ALG14: variants seen among roughly 807,000 people sequenced by gnomAD.
ALG14 encodes ALG14 UDP-N-acetylglucosaminyltransferase subunit, also known as UDP-N-acetylglucosamine transferase subunit ALG14.
In ALG14, 17 loss-of-function variants were observed where a neutral mutation model predicts 22.8. The observed-to-expected ratio is 0.75, with a 90% CI of 0.51 to 1.12. The LOEUF is 1.12. Ranked by LOEUF, ALG14 falls within the 50% of genes most tolerant of loss-of-function variation. The pLI is 0.00. For missense variants in ALG14, 288 were observed against 271.8 expected (o/e 1.06, Z -0.42); for synonymous variants, 89 against 103.7 (o/e 0.86, Z 0.86).
At chr1:95,019,081 T>A (rs1201948640) in intron 3 of ALG14, among the ~76,000 whole-genome samples, 1 of 152,220 alleles carries the variant, frequency 6.6e-6, no homozygotes, top group Non-Finnish European at 1.5e-5. Context: ...TGTCAAAGAT[T>A]TGTATAAGTG....
At chr1:95,005,679 A>G (rs1468507213) in intron 3 of ALG14, among the ~76,000 whole-genome samples, 1 of 152,206 alleles carries the variant, frequency 6.6e-6, no homozygotes, top group African/African-American at 2.4e-5. Context: ...GAAAATTAAA[A>G]GAGGAACAAA....
rs758803871 is a variant in ALG14 at position 94,975,726 on chromosome 1, C to G, written c.*7350G>C. ...GTTTAAAAAGAGCCTCCTGGCCGGG[C>G]GCAGTGGCTCACGCCTGTAATCCCA... On this transcript the variant is annotated 3_prime_UTR_variant, in exon 4 of 4. Transcript: ENST00000370205. The G allele has an allele frequency of 6.6e-6, 1 of 152,302 alleles. No individual in the cohort carries two copies. Among genetic ancestry groups the G allele is most frequent in the Non-Finnish European group, 1.5e-5 (1 of 68,232 alleles). The allele number at this position is 152,302 out of a possible 1,614,324, so 9.4% of individuals were successfully genotyped here. A position where few individuals can be genotyped will look rare whatever the true frequency, so the allele number is the denominator to read the frequency against.
At chr1:94,991,253 T>C (rs139772147) in intron 3 of ALG14, among the ~76,000 whole-genome samples, 2 of 152,340 alleles carry the variant, frequency 1.3e-5, no homozygotes, top group African/African-American at 4.8e-5. Flanking sequence ...ATAATAGATA[T>C]GTAGTCATGT....
intron 3 of ALG14, among the ~76,000 whole-genome samples, chr1:95,002,542 T>TA (rs1673096350): frequency 6.6e-6 from 1 of 152,172 alleles, no homozygotes; most frequent in African/African-American, 2.4e-5. Flanking sequence ...AATCACATGC[T>TA]ACGAAAACAG....
chr1:95,055,829 A>T (rs1346344893), intron 2 of ALG14, among the ~76,000 whole-genome samples: 12 of 5,188 alleles, frequency 2.3e-3, no homozygotes, highest in African/African-American at 0.013. Context: ...CGTCTCTACT[A>T]AAAAAAAAAA....
chr1:95,015,120 C>A (rs1242729008), intron 3 of ALG14, among the ~76,000 whole-genome samples: 1 of 152,098 alleles, frequency 6.6e-6, no homozygotes, highest in African/African-American at 2.4e-5. Context: ...AGCCAAGAAG[C>A]AGTTCAAGGG....
At chr1:94,991,201 C>T (rs1172447620) in intron 3 of ALG14, among the ~76,000 whole-genome samples, 1 of 152,180 alleles carries the variant, frequency 6.6e-6, no homozygotes. Context: ...GAACAAAAGT[C>T]CTTGCCCTTG....
intron 3 of ALG14, among the ~76,000 whole-genome samples, chr1:94,987,994 C>T (rs1207201973): frequency 6.6e-6 from 1 of 152,224 alleles, no homozygotes; most frequent in African/African-American, 2.4e-5. Flanking sequence ...GGAGAGAGGT[C>T]ATGAACTGTA....
chr1:95,017,188 AC>A (rs1001142068), intron 3 of ALG14, among the ~76,000 whole-genome samples: 1 of 152,158 alleles, frequency 6.6e-6, no homozygotes, highest in Non-Finnish European at 1.5e-5. Flanking sequence ...ATTGAAGCAG[AC>A]AAAAGGCATT....
intron 3 of ALG14, chr1:94,983,727 T>A (rs1376320301): frequency 6.1e-6 from 1 of 163,748 alleles, no homozygotes; most frequent in African/African-American, 2.4e-5. Context: ...GGAGAAAATA[T>A]CTTTAATTGA....
chr1:94,999,821 C>A (rs74101957), intron 3 of ALG14, among the ~76,000 whole-genome samples: 7,386 of 152,246 alleles, frequency 0.049, 245 homozygotes, highest in African/African-American at 0.088. Context: ...TTTTCCTTTT[C>A]TCGCCCAAAT....
At chr1:95,070,937 C>T (rs1675541449) in intron 1 of ALG14, among the ~76,000 whole-genome samples, 1 of 152,052 alleles carries the variant, frequency 6.6e-6, no homozygotes, top group African/African-American at 2.4e-5. Flanking sequence ...GACAGGGTTT[C>T]ACTATGTTGC....
chr1:95,025,041 C>T (rs1673771948), intron 3 of ALG14, among the ~76,000 whole-genome samples: 2 of 152,172 alleles, frequency 1.3e-5, no homozygotes, highest in Admixed American at 1.3e-4. Flanking sequence ...CAGCTACAGC[C>T]TTACAAATGT....
chr1:95,022,376 A>C, intron 3 of ALG14: 3 of 985,400 alleles, frequency 3.0e-6, no homozygotes, highest in Non-Finnish European at 3.6e-6. Context: ...AACTGGGAAA[A>C]GCAGTTTGTC....
Position 94,975,210 on chromosome 1 carries a change from G to GC in ALG14, c.*7865dup, listed in dbSNP as rs1672371521. On this transcript the variant is annotated 3_prime_UTR_variant, in exon 4 of 4. Transcript: ENST00000370205. ...TAAGCTACTTTCTGTCTATGGACTT[G>GC]CCTACTCTGGACATTTCATATGAAT... The GC allele has an allele frequency of 6.6e-6, 1 of 152,194 alleles. No individual in the cohort carries two copies. Among genetic ancestry groups the GC allele is most frequent in the Non-Finnish European group, 1.5e-5 (1 of 68,070 alleles). 9.4% of individuals were successfully genotyped at this position (152,194 alleles called of 1,614,324 possible).
rs186678228 is a variant in ALG14 at position 95,005,416 on chromosome 1, G to C, written c.420+21713C>G. Among the ~76,000 whole-genome samples, 44 of 146,632 alleles carry C rather than the reference G, an allele frequency of 3.0e-4. No individual in the cohort carries two copies. In the East Asian group the frequency reaches 5.8e-3, roughly 19 times the overall value. The stretch of plus-strand genomic sequence containing the variant: ...CATGTTTCTAAGCCAGAAACGAAAT[G>C]GTCTATGACCTACTGGTCACAGGCA... On this transcript the variant is annotated intron_variant, in intron 3 of 3. Coordinates refer to ENST00000370205, the MANE Select transcript of ALG14 (RefSeq NM_144988.4).
Position 94,989,558 on chromosome 1 carries a change from A to G in ALG14, c.421-6252T>C, listed in dbSNP as rs577039334. 1.2e-4 allele frequency among the ~76,000 whole-genome samples: 19 copies of G among 152,274 alleles called. No individual in the cohort carries two copies. The South Asian group carries it at 3.7e-3, about 30-fold the overall frequency. ...TAGTGCTACAGAGGGGCAGGGCTGG[A>G]GGAGACTCTGTTCTGGTAGCAAAGG... On this transcript the variant is annotated intron_variant, in intron 3 of 3. Transcript: ENST00000370205.
intron 3 of ALG14, among the ~76,000 whole-genome samples, chr1:95,021,083 C>T (rs1053841347): frequency 7.9e-5 from 12 of 152,280 alleles, no homozygotes; most frequent in South Asian, 2.1e-4. Context: ...ACGAATTCAG[C>T]GATTAATTCA....
intron 2 of ALG14, among the ~76,000 whole-genome samples, chr1:95,052,350 G>C (rs1674776065): frequency 6.6e-6 from 1 of 152,070 alleles, no homozygotes; most frequent in Non-Finnish European, 1.5e-5. Flanking sequence ...AACTAATTTA[G>C]GTGGTATAAA....
Sources: gnomAD v4.1 joint callset for allele counts (sites outside exome capture counted in the v4.1 genomes callset) on GRCh38, gnomAD v4.1.1 for gene constraint, MANE v1.5 for transcripts, NCBI Gene and HGNC (gene_info 2026-07-23, HGNC 2026-07-21) for gene names.